ADAM12: variants seen among roughly 807,000 people sequenced by gnomAD.
ADAM12 encodes ADAM metallopeptidase domain 12.
ADAM12 carries 70 observed loss-of-function variants against 106.4 expected under a neutral mutation model. That is an observed-to-expected ratio of 0.66 (90% CI 0.54 to 0.80). The LOEUF is 0.80. ADAM12 is among the 30% of genes least tolerant of loss of function. The pLI is 0.00. For missense variants in ADAM12, 1,010 were observed against 1,171.9 expected, an observed-to-expected ratio of 0.86 and a Z score of 2.02; for synonymous variants, 420 against 433.5, an observed-to-expected ratio of 0.97 and a Z score of 0.39.
chr10:126,384,826 G>A (rs1856606315), intron 1 of ADAM12, among the ~76,000 whole-genome samples: 1 of 152,182 alleles, frequency 6.6e-6, no homozygotes, highest in Non-Finnish European at 1.5e-5. Flanking sequence ...GATCAACTGG[G>A]AGTCCTACAA....
chr10:126,169,386 G>GT (rs1354807128), intron 3 of ADAM12, among the ~76,000 whole-genome samples: 1 of 152,184 alleles, frequency 6.6e-6, no homozygotes, highest in East Asian at 1.9e-4. Context: ...TTTGAGGTAT[G>GT]TTTCCCCCAT....
intron 1 of ADAM12, among the ~76,000 whole-genome samples, chr10:126,340,907 G>A (rs866071987): frequency 2.9e-4 from 44 of 151,982 alleles, no homozygotes; most frequent in Admixed American, 1.6e-3. Flanking sequence ...GGTAGAGACG[G>A]GGTTTCACCA....
intron 4 of ADAM12, among the ~76,000 whole-genome samples, chr10:126,138,801 A>G (rs1485552149): frequency 5.0e-5 from 5 of 99,202 alleles, no homozygotes. Flanking sequence ...CTAAGGTCAT[A>G]AAGATCTACA....
chr10:126,339,942 A>C (rs1854864691), intron 1 of ADAM12, among the ~76,000 whole-genome samples: 2 of 139,388 alleles, frequency 1.4e-5, no homozygotes, highest in Non-Finnish European at 3.0e-5. Context: ...GCAACCTCTG[A>C]CTTCCAGGTT....
intron 2 of ADAM12, among the ~76,000 whole-genome samples, chr10:126,329,458 G>T (rs946845942): frequency 6.6e-6 from 1 of 151,956 alleles, no homozygotes; most frequent in Non-Finnish European, 1.5e-5. Flanking sequence ...AATATCTTAA[G>T]TTTTTCTTCC....
chr10:126,043,051 A>T lies in ADAM12; in HGVS notation c.2093T>A (p.Ile698Asn). 1 of 1,614,050 alleles carries T rather than the reference A, an allele frequency of 6.2e-7. No individual in the cohort carries two copies. Among genetic ancestry groups the T allele is most frequent in the Non-Finnish European group, 8.5e-7 (1 of 1,179,980 alleles). Residue 698 changes from isoleucine to asparagine, a missense_variant, in exon 18 of 23, where the codon ATC becomes AAC. By Grantham distance (149) the Ile-to-Asn change is moderately radical. Transcript: ENST00000448723. This position sits in a 1 kb window ranked among gnomAD's most constrained non-coding sequence, Gnocchi z 4.1. ...GFGGSTDSGPIRQADNQGLTI... is the reference protein window; with the variant it reads ...GFGGSTDSGPNRQADNQGLTI... ...GGGGCTTCACTGACCTGCTTGCCGGATGGGGCCGCTGTCTGTGCTTCCTCC... is the reference window on the plus strand; with the variant it reads ...GGGGCTTCACTGACCTGCTTGCCGGTTGGGGCCGCTGTCTGTGCTTCCTCC...
chr10:126,090,604 T>C (rs1955445458), intron 11 of ADAM12: 1 of 152,146 alleles, frequency 6.6e-6, no homozygotes, highest in Non-Finnish European at 1.5e-5. Context: ...TCTTAAATGT[T>C]TAGAGACATA....
chr10:126,167,473 T>G (rs2133755254), intron 3 of ADAM12, among the ~76,000 whole-genome samples: 1 of 152,368 alleles, frequency 6.6e-6, no homozygotes, highest in South Asian at 2.1e-4. Flanking sequence ...TATTTCCCAC[T>G]TATTGCCATG....
At chr10:126,110,254 C>T (rs1009571664) in intron 6 of ADAM12, among the ~76,000 whole-genome samples, 4 of 152,164 alleles carry the variant, frequency 2.6e-5, no homozygotes, top group East Asian at 1.9e-4. Flanking sequence ...TCAGAGAAGA[C>T]GACGGAGTTC....
intron 21 of ADAM12, among the ~76,000 whole-genome samples, chr10:126,027,296 A>C (rs1406487666): frequency 6.6e-6 from 1 of 152,230 alleles, no homozygotes; most frequent in African/African-American, 2.4e-5. Context: ...TACAAGAGGT[A>C]GAAAATAGAG....
At chr10:126,177,057 C>T (rs775432075) in intron 3 of ADAM12, among the ~76,000 whole-genome samples, 11 of 148,324 alleles carry the variant, frequency 7.4e-5, no homozygotes, top group South Asian at 2.1e-4. Flanking sequence ...CACACACACA[C>T]GCACACACAC....
At chr10:126,277,217 C>G (rs1258894917) in intron 3 of ADAM12, among the ~76,000 whole-genome samples, 2 of 152,138 alleles carry the variant, frequency 1.3e-5, no homozygotes, top group East Asian at 3.8e-4. Flanking sequence ...CCCTTCCCCC[C>G]TATAATGTTC....
In ADAM12 at chr10:126,263,717, A is replaced by G. The variant is rs182390114; in HGVS notation, c.260+15198T>C. Among the ~76,000 whole-genome samples, 202 of 152,332 alleles carry G rather than the reference A, an allele frequency of 1.3e-3. 3 individuals are homozygous for G. The highest frequency in any genetic ancestry group is 5.3e-3 in the Admixed American group (81 of 15,306). ...CTATAATATGATAGGGTAAAAACCA[A>G]TTAACTGATTGAATAACATATTTCC... is the stretch of plus-strand genomic sequence containing the variant. On this transcript the variant is annotated intron_variant, in intron 3 of 22. Coordinates refer to ENST00000448723, the MANE Select transcript of ADAM12 (RefSeq NM_001288973.2).
rs150325094 is a variant in ADAM12, at chr10:126,378,987, T to C, written c.88+9071A>G. Among the ~76,000 whole-genome samples, 1,494 of 152,272 alleles carry C rather than the reference T, an allele frequency of 9.8e-3. 24 individuals carry two copies. The highest frequency in any genetic ancestry group is 0.034 in the African/African-American group (1,420 of 41,534). On this transcript the variant is annotated intron_variant, in intron 1 of 22. Transcript: ENST00000448723. ...ACAACAGCTGCATTTTGAGGTATAA[T>C]GTAGACCCTAAATCCTAATGCAGGC...
chr10:126,314,233 A>G (rs1961247847), intron 2 of ADAM12, among the ~76,000 whole-genome samples: 1 of 152,190 alleles, frequency 6.6e-6, no homozygotes, highest in Non-Finnish European at 1.5e-5. Flanking sequence ...AGAGAGGGAC[A>G]TGGACGCAAG....
intron 14 of ADAM12, among the ~76,000 whole-genome samples, chr10:126,052,486 A>AT (rs1173924448): frequency 1.3e-5 from 2 of 152,250 alleles, no homozygotes; most frequent in African/African-American, 4.8e-5. Flanking sequence ...TAAAAAATAC[A>AT]TATACCATGA....
At chr10:126,186,227 C>T (rs1259629013) in intron 3 of ADAM12, among the ~76,000 whole-genome samples, 5 of 152,144 alleles carry the variant, frequency 3.3e-5, no homozygotes, top group Non-Finnish European at 7.3e-5. Flanking sequence ...TGTTGTAATC[C>T]CCGCGGGGCA....
At chr10:126,302,154 C>T (rs896217882) in intron 2 of ADAM12, among the ~76,000 whole-genome samples, 1 of 152,188 alleles carries the variant, frequency 6.6e-6, no homozygotes, top group South Asian at 2.1e-4. Flanking sequence ...CTCTTTGTTC[C>T]TCAAACCCCA....
intron 3 of ADAM12, among the ~76,000 whole-genome samples, chr10:126,204,008 G>C (rs530372103): frequency 6.6e-6 from 1 of 152,288 alleles, no homozygotes; most frequent in East Asian, 1.9e-4. Flanking sequence ...GTTCACCCAG[G>C]AGTTGAAGGA....
Sources: gnomAD v4.1 joint callset for allele counts (sites outside exome capture counted in the v4.1 genomes callset) on GRCh38, gnomAD v4.1.1 for gene constraint, Gnocchi (gnomAD v3.1) non-coding constraint, MANE v1.5 for transcripts, NCBI Gene and HGNC (gene_info 2026-07-23, HGNC 2026-07-21) for gene names.